Variants in CDH12 observed in about 807,000 individuals in gnomAD.
CDH12 encodes the protein cadherin-12.
Under a neutral mutation model 74.1 loss-of-function variants are expected in CDH12, and 41 were observed. That is an observed-to-expected ratio of 0.55 (90% confidence interval 0.43 to 0.72). CDH12 has a LOEUF of 0.72. CDH12 is among the 30% of genes least tolerant of loss of function. The probability of loss-of-function intolerance (pLI) is 0.00; values close to 1 mark genes in which losing one functional copy is unlikely to be tolerated. For synonymous variants in CDH12, 399 were observed against 355.0 expected, an observed-to-expected ratio of 1.12 and a Z score of -1.39; for missense variants, 945 against 977.2, an observed-to-expected ratio of 0.97 and a Z score of 0.44.
At chr5:22,820,865 T>A (rs1351428400) in intron 1 of CDH12, among the ~76,000 whole-genome samples, 2 of 152,000 alleles carry the variant, frequency 1.3e-5, no homozygotes, top group African/African-American at 4.8e-5. Context: ...AAAGAGGGAA[T>A]CCTCCCTAAC....
At chr5:22,215,390 A>G (rs923254601) in intron 3 of CDH12, among the ~76,000 whole-genome samples, 4 of 152,122 alleles carry the variant, frequency 2.6e-5, no homozygotes, top group African/African-American at 9.6e-5. Context: ...CTGATAAACT[A>G]TTGTAACAGT....
intron 1 of CDH12, among the ~76,000 whole-genome samples, chr5:22,753,921 C>T (rs554203152): frequency 6.6e-6 from 1 of 152,052 alleles, no homozygotes; most frequent in African/African-American, 2.4e-5. Context: ...AATTATTATG[C>T]CTATTCCTTC....
At chr5:21,806,589 G>T in intron 9 of CDH12, among the ~76,000 whole-genome samples, 1 of 151,992 alleles carries the variant, frequency 6.6e-6, no homozygotes, top group East Asian at 1.9e-4. Context: ...TGGGAAATTG[G>T]GTCTTCATTC....
At chr5:22,797,183 TAA>T (rs58951425) in intron 1 of CDH12, among the ~76,000 whole-genome samples, 982 of 86,256 alleles carry the variant, frequency 0.011, 10 homozygotes, top group African/African-American at 0.034. Context: ...AGTGCCTTTA[TAA>T]AAAAAAAAAA....
chr5:21,850,365 T>G (rs1750398634), intron 7 of CDH12, among the ~76,000 whole-genome samples: 1 of 151,450 alleles, frequency 6.6e-6, no homozygotes, highest in African/African-American at 2.4e-5. Flanking sequence ...GATGGGTATG[T>G]TAATTTGTTC....
chr5:22,404,599 C>T (rs2126456675), intron 3 of CDH12, among the ~76,000 whole-genome samples: 1 of 152,182 alleles, frequency 6.6e-6, no homozygotes. Flanking sequence ...GCTTTCTAAC[C>T]AGTAAAATGA....
chr5:22,851,497 G>T (rs1473629776), intron 1 of CDH12, among the ~76,000 whole-genome samples: 3 of 152,186 alleles, frequency 2.0e-5, no homozygotes, highest in East Asian at 3.9e-4. Context: ...GTTATTAAGA[G>T]AAAAATATGT....
At chr5:22,061,954 G>A (rs1441926650) in intron 5 of CDH12, among the ~76,000 whole-genome samples, 2 of 151,910 alleles carry the variant, frequency 1.3e-5, no homozygotes, top group East Asian at 3.9e-4. Context: ...ACTATAGTCA[G>A]GCAGACATCC....
chr5:22,425,077 TAG>T (rs56983010), intron 2 of CDH12, among the ~76,000 whole-genome samples: 20,001 of 101,292 alleles, frequency 0.2, 1,463 homozygotes, highest in Admixed American at 0.28. Context: ...TATATATATA[TAG>T]AGAGAGAGAG....
intron 10 of CDH12, among the ~76,000 whole-genome samples, chr5:21,790,349 T>C (rs1164273848): frequency 6.6e-6 from 1 of 152,138 alleles, no homozygotes; most frequent in Non-Finnish European, 1.5e-5. Flanking sequence ...TGTGTTTCTG[T>C]ATATCAATCC....
At chr5:22,043,500 GGAAA>G in intron 5 of CDH12, among the ~76,000 whole-genome samples, 1 of 151,922 alleles carries the variant, frequency 6.6e-6, no homozygotes, top group East Asian at 1.9e-4. Flanking sequence ...CACTAAACAG[GGAAA>G]GAAAGTTTTT....
chr5:22,394,879 T>A (rs1742393960), intron 3 of CDH12, among the ~76,000 whole-genome samples: 2 of 152,146 alleles, frequency 1.3e-5, no homozygotes, highest in Admixed American at 6.6e-5. Context: ...TAGAGGAGAT[T>A]ATAAATTTAG....
intron 14 of CDH12, among the ~76,000 whole-genome samples, chr5:21,753,408 T>C (rs1388764113): frequency 6.6e-6 from 1 of 152,176 alleles, no homozygotes; most frequent in Non-Finnish European, 1.5e-5. Flanking sequence ...TGATTGTTTG[T>C]TCCTCTACCA....
At chr5:22,338,723 T>G (rs761144803) in intron 3 of CDH12, among the ~76,000 whole-genome samples, 11 of 152,168 alleles carry the variant, frequency 7.2e-5, no homozygotes, top group Non-Finnish European at 1.0e-4. Flanking sequence ...TTTTTAAAAT[T>G]TAAACCTTTA....
At chr5:22,458,031 C>A (rs1745354796) in intron 2 of CDH12, among the ~76,000 whole-genome samples, 1 of 152,146 alleles carries the variant, frequency 6.6e-6, no homozygotes, top group South Asian at 2.1e-4. Context: ...GCATCAGCCA[C>A]CGTGCCCGGC....
chr5:22,370,430 TA>T (rs1366291357), intron 3 of CDH12, among the ~76,000 whole-genome samples: 3 of 152,174 alleles, frequency 2.0e-5, no homozygotes, highest in African/African-American at 7.2e-5. Context: ...GTCAATTAAA[TA>T]AATTCGTGAG....
chr5:22,180,050 G>A (rs1040833104), intron 4 of CDH12, among the ~76,000 whole-genome samples: 2 of 152,098 alleles, frequency 1.3e-5, no homozygotes, highest in South Asian at 2.1e-4. Flanking sequence ...TTATGTTAAG[G>A]AGATTAGATC....
chr5:22,801,731 C>A (rs1289383321), intron 1 of CDH12, among the ~76,000 whole-genome samples: 5 of 139,890 alleles, frequency 3.6e-5, no homozygotes, highest in Non-Finnish European at 6.1e-5. Context: ...AATGTTATAT[C>A]TGTCTTCAAA....
intron 1 of CDH12, among the ~76,000 whole-genome samples, chr5:22,788,719 T>C (rs1747767221): frequency 1.3e-5 from 2 of 149,060 alleles, no homozygotes; most frequent in African/African-American, 4.9e-5. Flanking sequence ...TATCATTTTA[T>C]ATATGTATAG....
Sources: allele counts gnomAD v4.1 joint callset (sites outside exome capture counted in the v4.1 genomes callset), GRCh38; gene constraint gnomAD v4.1.1; transcripts MANE v1.5; gene names NCBI Gene and HGNC (gene_info 2026-07-23, HGNC 2026-07-21).